Variants in CNTN5 observed in about 807,000 individuals in gnomAD.
CNTN5 encodes the protein contactin-5.
CNTN5 carries 77 observed loss-of-function variants against 129.1 expected under a neutral mutation model. That is an observed-to-expected ratio of 0.60 (90% confidence interval 0.50 to 0.72). CNTN5 has a LOEUF of 0.72. Ranked by LOEUF, CNTN5 falls within the 30% of genes least tolerant of loss-of-function variation. The pLI, the probability that CNTN5 is intolerant of heterozygous loss-of-function variation, is 0.00. For missense variants in CNTN5, 1,478 were observed against 1,328.8 expected, an observed-to-expected ratio of 1.11 and a Z score of -1.75; for synonymous variants, 509 against 465.6, an observed-to-expected ratio of 1.09 and a Z score of -1.20.
intron 4 of CNTN5, among the ~76,000 whole-genome samples, chr11:99,821,399 T>C (rs1946796541): frequency 6.6e-6 from 1 of 152,220 alleles, no homozygotes; most frequent in African/African-American, 2.4e-5. Context: ...TGATCCTATT[T>C]TGGGTAATTA....
intron 6 of CNTN5, among the ~76,000 whole-genome samples, chr11:99,907,739 C>T (rs1298710630): frequency 1.3e-5 from 2 of 151,854 alleles, no homozygotes; most frequent in African/African-American, 2.4e-5. Flanking sequence ...TTCATTTCAG[C>T]AACTTTTTTC....
At chr11:100,177,736 C>T (rs188642500) in intron 13 of CNTN5, among the ~76,000 whole-genome samples, 7 of 152,202 alleles carry the variant, frequency 4.6e-5, no homozygotes, top group African/African-American at 9.6e-5. Context: ...CCGACATATA[C>T]GTAGAGTTTA....
chr11:100,284,776 T>A (rs899374180), intron 18 of CNTN5, among the ~76,000 whole-genome samples: 2 of 152,244 alleles, frequency 1.3e-5, no homozygotes, highest in Non-Finnish European at 2.9e-5. Flanking sequence ...GCTACTGGTA[T>A]AAATCTCAAT....
chr11:99,081,799 A>G (rs1184859056), intron 1 of CNTN5, among the ~76,000 whole-genome samples: 2 of 152,188 alleles, frequency 1.3e-5, no homozygotes, highest in African/African-American at 4.8e-5. Context: ...ATTTTGTTAG[A>G]TTAGCAGGCA....
chr11:100,096,606 G>T (rs370481269), intron 13 of CNTN5, among the ~76,000 whole-genome samples: 3 of 151,964 alleles, frequency 2.0e-5, no homozygotes, highest in Non-Finnish European at 4.4e-5. Context: ...CCACCAAAAC[G>T]TACAAATTAT....
chr11:100,175,205 C>T (rs1431913937), intron 13 of CNTN5, among the ~76,000 whole-genome samples: 4 of 152,002 alleles, frequency 2.6e-5, no homozygotes, highest in Non-Finnish European at 4.4e-5. Context: ...GCTGAAAATT[C>T]AGTACAAATT....
intron 6 of CNTN5, among the ~76,000 whole-genome samples, chr11:99,887,204 C>T (rs1948923975): frequency 6.6e-6 from 1 of 152,172 alleles, no homozygotes; most frequent in Admixed American, 6.5e-5. Flanking sequence ...TTCCCTAAGG[C>T]AGTCAATAAC....
chr11:99,789,034 C>T (rs193196082), intron 3 of CNTN5, among the ~76,000 whole-genome samples: 12 of 151,584 alleles, frequency 7.9e-5, no homozygotes, highest in South Asian at 2.1e-4. Context: ...TCCCCAAAAC[C>T]GTGCTCATTA....
At position 99,429,783 on chromosome 11, in the gene CNTN5, G is replaced by A. The variant is rs142454261; in HGVS notation, c.-71+104299G>A. ...TTTTACAGTACACTTTGTTACTAAG[G>A]CATTTCTCTAAGTGTTTAAACTGTA... On this transcript the variant is annotated intron_variant, in intron 2 of 24. Transcript: ENST00000524871. 3.3e-5 allele frequency among the ~76,000 whole-genome samples: 5 copies of A among 152,034 alleles called. No homozygotes were observed. The East Asian group carries it at 5.8e-4, about 18-fold the overall frequency.
intron 23 of CNTN5, among the ~76,000 whole-genome samples, chr11:100,349,841 G>C (rs770527088): frequency 7.9e-5 from 12 of 151,932 alleles, no homozygotes; most frequent in Non-Finnish European, 1.6e-4. Context: ...AAATAGCTCT[G>C]AAGTGATGAT....
chr11:100,149,192 A>G (rs1946961488), intron 13 of CNTN5, among the ~76,000 whole-genome samples: 1 of 152,168 alleles, frequency 6.6e-6, no homozygotes, highest in African/African-American at 2.4e-5. Flanking sequence ...TGTTCCTCTA[A>G]ACTAATTTCA....
At chr11:99,450,298 A>T (rs1944249475) in intron 2 of CNTN5, among the ~76,000 whole-genome samples, 1 of 150,138 alleles carries the variant, frequency 6.7e-6, no homozygotes, top group East Asian at 2.0e-4. Flanking sequence ...TTGTGTATGT[A>T]TGTATATGTA....
chr11:99,051,564 A>G (rs1232894334), intron 1 of CNTN5, among the ~76,000 whole-genome samples: 2 of 151,948 alleles, frequency 1.3e-5, no homozygotes, highest in Admixed American at 1.3e-4. Context: ...TTTTACTTCA[A>G]CAGTCAACAG....
intron 3 of CNTN5, among the ~76,000 whole-genome samples, chr11:99,582,970 T>C (rs2851604): frequency 0.91 from 138,444 of 152,230 alleles, 63,114 homozygotes; most frequent in East Asian, 1. Flanking sequence ...TACCTTTGGT[T>C]TTTGATGATG....
chr11:99,669,439 A>G (rs936548105), intron 3 of CNTN5, among the ~76,000 whole-genome samples: 8 of 117,154 alleles, frequency 6.8e-5, no homozygotes, highest in African/African-American at 2.3e-4. Flanking sequence ...GCTATTAAAT[A>G]TGGTGTGTGT....
chr11:100,203,497 G>A (rs1948832494), intron 15 of CNTN5, among the ~76,000 whole-genome samples: 1 of 151,962 alleles, frequency 6.6e-6, no homozygotes, highest in Non-Finnish European at 1.5e-5. Context: ...TGCATTTACA[G>A]CATTGTTTTA....
chr11:100,322,008 G>T (rs1361106393), intron 21 of CNTN5, among the ~76,000 whole-genome samples: 3 of 152,156 alleles, frequency 2.0e-5, no homozygotes, highest in African/African-American at 4.8e-5. Flanking sequence ...TTTTGTGTGT[G>T]TGTGTCCTTG....
intron 12 of CNTN5, among the ~76,000 whole-genome samples, chr11:100,072,194 A>T (rs1943947909): frequency 6.6e-6 from 1 of 152,202 alleles, no homozygotes; most frequent in Admixed American, 6.5e-5. Context: ...CAGCCTGTCC[A>T]TGCTCCCATA....
At chr11:100,323,792 A>T (rs924066368) in intron 21 of CNTN5, among the ~76,000 whole-genome samples, 21 of 151,848 alleles carry the variant, frequency 1.4e-4, no homozygotes, top group Admixed American at 2.6e-4. Flanking sequence ...TTTCTACTTT[A>T]TTTAGGTTTA....
Sources: gnomAD v4.1 joint callset for allele counts (sites outside exome capture counted in the v4.1 genomes callset) on GRCh38, gnomAD v4.1.1 for gene constraint, MANE v1.5 for transcripts, NCBI Gene and HGNC (gene_info 2026-07-23, HGNC 2026-07-21) for gene names.